Variants in ATG2B observed in about 807,000 individuals in gnomAD.
ATG2B encodes the protein autophagy related 2B.
In ATG2B, 121 loss-of-function variants were observed where a neutral mutation model predicts 241.3. The ratio of observed to expected loss-of-function variants is 0.50; its 90% CI spans 0.43 to 0.58. The LOEUF is 0.58. ATG2B is among the 20% of genes least tolerant of loss of function. ATG2B has a pLI of 0.00. For missense variants in ATG2B, 2,306 were observed against 2,491.6 expected, an observed-to-expected ratio of 0.93 and a Z score of 1.59; for synonymous variants, 858 against 876.6, an observed-to-expected ratio of 0.98 and a Z score of 0.37.
At chr14:96,342,341 G>A (rs974629423) in intron 5 of ATG2B, among the ~76,000 whole-genome samples, 24 of 152,068 alleles carry the variant, frequency 1.6e-4, no homozygotes, top group Non-Finnish European at 7.4e-5. Context: ...TCACGTGATG[G>A]GCTGCAGTCA....
chr14:96,311,619 C>T lies in ATG2B; in HGVS notation c.3914-1G>A. On this transcript the variant is annotated splice_acceptor_variant, in intron 26 of 41. Coordinates refer to ENST00000359933, the MANE Select transcript of ATG2B (RefSeq NM_018036.7). LOFTEE classifies it high-confidence loss of function. ...CCCATATCCATCACACGAACATAAT[C>T]TAAAATTTTTAAAATTAAGAAAATC... is the stretch of plus-strand genomic sequence containing the variant. 6.2e-7 allele frequency: 1 copy of T among 1,603,018 alleles called. No homozygotes were observed. Among genetic ancestry groups the T allele is most frequent in the Non-Finnish European group, 8.5e-7 (1 of 1,172,398 alleles).
At chr14:96,288,242 C>T (rs1700164470) in intron 41 of ATG2B, among the ~76,000 whole-genome samples, 1 of 152,182 alleles carries the variant, frequency 6.6e-6, no homozygotes. Context: ...CCCGTTTCCT[C>T]ATCTGTAAAT....
chr14:96,322,313 A>G (rs1030554393), intron 17 of ATG2B, 59 bp from the exon 18 acceptor site: 1 of 1,548,298 alleles, frequency 6.5e-7, no homozygotes, highest in African/African-American at 1.4e-5. Context: ...TAGTAGTAGC[A>G]TCTTCTTAGC....
At chr14:96,313,787 T>C (rs1887229674) in intron 23 of ATG2B, among the ~76,000 whole-genome samples, 1 of 152,234 alleles carries the variant, frequency 6.6e-6, no homozygotes, top group Non-Finnish European at 1.5e-5. Context: ...ACTCCAATGC[T>C]ACAGAAATCT....
chr14:96,305,518 T>G (rs1886917076), intron 31 of ATG2B, 71 bp downstream of exon 31: 2 of 1,054,302 alleles, frequency 1.9e-6, no homozygotes, highest in Non-Finnish European at 2.7e-6. Flanking sequence ...AAAGGGGAAA[T>G]GGAAAATTCT....
chr14:96,317,764 C>T lies in ATG2B; in HGVS notation c.2971G>A (p.Ala991Thr). ...NISYGIGLSVASQLINTFNKD... is the reference protein window; with the variant it reads ...NISYGIGLSVTSQLINTFNKD... ...TTGAAAGTATTAATGAGCTGACTGG[C>T]TACTGAAAGCCCAATGCCATAGGAA... The change falls in exon 19 of 42, where the codon GCC (alanine) becomes ACC (threonine). Residue 991 changes from alanine to threonine, a missense_variant. Coordinates refer to ENST00000359933, the MANE Select transcript of ATG2B (RefSeq NM_018036.7). 1 of 1,613,420 alleles carries T rather than the reference C, an allele frequency of 6.2e-7. No individual in the cohort carries two copies. Among genetic ancestry groups the T allele is most frequent in the Non-Finnish European group, 8.5e-7 (1 of 1,179,538 alleles).
intron 1 of ATG2B, among the ~76,000 whole-genome samples, chr14:96,361,378 T>A (rs1380812378): frequency 6.6e-6 from 1 of 152,180 alleles, no homozygotes; most frequent in Admixed American, 6.5e-5. Flanking sequence ...ACTGCTTAAC[T>A]CCATCTGTAA....
chr14:96,333,913 T>G, intron 7 of ATG2B, 40 bp from the exon 8 acceptor site: 1 of 1,552,008 alleles, frequency 6.4e-7, no homozygotes, highest in Non-Finnish European at 8.9e-7. Flanking sequence ...GTAATTAAAT[T>G]TGGAGTTAAT....
intron 1 of ATG2B, among the ~76,000 whole-genome samples, chr14:96,354,174 T>C (rs1365176643): frequency 6.6e-6 from 1 of 152,224 alleles, no homozygotes; most frequent in Non-Finnish European, 1.5e-5. Context: ...GTGTAGTACA[T>C]CCAGGTTTGT....
At chr14:96,326,774 G>A (rs1375028130) in intron 14 of ATG2B, among the ~76,000 whole-genome samples, 1 of 151,980 alleles carries the variant, frequency 6.6e-6, no homozygotes, top group Non-Finnish European at 1.5e-5. Flanking sequence ...CACCCAGGCT[G>A]GTCTCAAACT....
chr14:96,296,602 A>G (rs1287720901), intron 34 of ATG2B, among the ~76,000 whole-genome samples: 1 of 151,982 alleles, frequency 6.6e-6, no homozygotes, highest in Non-Finnish European at 1.5e-5. Flanking sequence ...TCTACTAAAA[A>G]CACAAAAAAT....
chr14:96,290,647 T>C lies in ATG2B; in HGVS notation c.5702-57A>G. On this transcript the variant is annotated intron_variant, in intron 39 of 41. Coordinates refer to ENST00000359933, the MANE Select transcript of ATG2B (RefSeq NM_018036.7). The surrounding 1 kb of genome is among the most constrained non-coding windows in gnomAD (Gnocchi z 4.4). ...GCCACAGTTCAGACTTTTCTATCAT[T>C]CTAACCCTGGGGTTTTTAACTCCTA... 6.3e-7 allele frequency: 1 copy of C among 1,599,560 alleles called. No homozygotes were observed. The highest frequency in any genetic ancestry group is 8.5e-7 in the Non-Finnish European group (1 of 1,171,678).
chr14:96,324,324 G>A (rs1370936193), intron 15 of ATG2B: 7 of 211,838 alleles, frequency 3.3e-5, no homozygotes, highest in African/African-American at 1.6e-4. Context: ...TCTACCACTA[G>A]AAAAATAACT....
rs1364092961 is a variant in ATG2B, at chr14:96,282,200, C to T, written c.*3555G>A. 6.6e-6 allele frequency: 1 copy of T among 152,224 alleles called. No homozygotes were observed. The highest frequency in any genetic ancestry group is 2.4e-5 in the African/African-American group (1 of 41,454). The allele number at this position is 152,224 out of a possible 1,614,324, so 9.4% of individuals were successfully genotyped here. A position where few individuals can be genotyped will look rare whatever the true frequency, so the allele number is the denominator to read the frequency against. On this transcript the variant is annotated 3_prime_UTR_variant, in exon 42 of 42. Transcript: ENST00000359933. ...ATCTATAAACTATACAAATAACCTT[C>T]CTTTTTAACCTAAGACTCAAACATT... is the stretch of plus-strand genomic sequence containing the variant.
At chr14:96,296,458 T>C (rs932503955) in intron 34 of ATG2B, among the ~76,000 whole-genome samples, 1 of 152,138 alleles carries the variant, frequency 6.6e-6, no homozygotes, top group Non-Finnish European at 1.5e-5. Flanking sequence ...GATCTTATTC[T>C]TTCCTTTCAT....
At position 96,289,882 on chromosome 14, in the gene ATG2B, C is replaced by T. The variant is rs1240192697; in HGVS notation, c.5857-77G>A. Reference sequence around the variant, plus strand: ...TTACGGACCAGCAGAGCACTTCCTACAGGGAGTGAGGAAGAGCAGAGGAAC... The same window carrying T: ...TTACGGACCAGCAGAGCACTTCCTATAGGGAGTGAGGAAGAGCAGAGGAAC... On this transcript the variant is annotated intron_variant, in intron 40 of 41. Coordinates refer to ENST00000359933, the MANE Select transcript of ATG2B (RefSeq NM_018036.7). This position sits in a 1 kb window ranked among gnomAD's most constrained non-coding sequence, Gnocchi z 4.3. The T allele has an allele frequency of 5.5e-6, 8 of 1,465,738 alleles. No individual in the cohort carries two copies. The Admixed American group carries it at 1.4e-4, about 26-fold the overall frequency. 90.8% of individuals were successfully genotyped at this position (1,465,738 alleles called of 1,614,324 possible).
chr14:96,291,041 G>A, intron 38 of ATG2B, 106 bp from the exon 39 acceptor site: 1 of 955,466 alleles, frequency 1.0e-6, no homozygotes. Context: ...AATTATAAGG[G>A]CAAATATTAC....
At chr14:96,305,891 G>A in intron 30 of ATG2B, 76 bp from the exon 31 acceptor site, 1 of 1,116,666 alleles carries the variant, frequency 9.0e-7, no homozygotes, top group Non-Finnish European at 1.3e-6. Flanking sequence ...ATCTCAAGGG[G>A]CATTCTTGCT....
At chr14:96,311,456 T>A in intron 27 of ATG2B, 86 bp downstream of exon 27, 4 of 1,275,788 alleles carry the variant, frequency 3.1e-6, no homozygotes, top group Non-Finnish European at 4.4e-6. Context: ...CTGACCAAAA[T>A]TAGGTACACG....
Sources: gnomAD v4.1 joint callset for allele counts (sites outside exome capture counted in the v4.1 genomes callset) on GRCh38, gnomAD v4.1.1 for gene constraint, Gnocchi (gnomAD v3.1) non-coding constraint, MANE v1.5 for transcripts, NCBI Gene and HGNC (gene_info 2026-07-23, HGNC 2026-07-21) for gene names.